The following DGKB variants were observed in gnomAD, a reference collection of about 807,000 sequenced individuals.
DGKB encodes the protein 90 kDa diacylglycerol kinase.
Under a neutral mutation model 114.3 loss-of-function variants are expected in DGKB, and 67 were observed. That is an observed-to-expected ratio of 0.59 (90% CI 0.48 to 0.72). The LOEUF is 0.72. DGKB is among the 30% of genes least tolerant of loss of function. The probability of loss-of-function intolerance (pLI) is 0.00; values close to 1 mark genes in which losing one functional copy is unlikely to be tolerated. For missense variants in DGKB, 907 were observed against 975.2 expected, an observed-to-expected ratio of 0.93 and a Z score of 0.93; for synonymous variants, 398 against 323.1, an observed-to-expected ratio of 1.23 and a Z score of -2.49.
chr7:14,738,918 A>T (rs1169874006), intron 4 of DGKB, among the ~76,000 whole-genome samples: 2 of 152,228 alleles, frequency 1.3e-5, no homozygotes, highest in African/African-American at 4.8e-5. Flanking sequence ...AACAAACAAA[A>T]ACAAAGAGTT....
intron 1 of DGKB, among the ~76,000 whole-genome samples, chr7:14,858,293 TC>T (rs1850476742): frequency 6.6e-6 from 1 of 152,188 alleles, no homozygotes; most frequent in South Asian, 2.1e-4. Context: ...ACAGCAGATA[TC>T]TAAGTTCAAG....
intron 23 of DGKB, among the ~76,000 whole-genome samples, chr7:14,335,415 A>G (rs117226397): frequency 0.046 from 7,040 of 152,246 alleles, 209 homozygotes; most frequent in Non-Finnish European, 0.067. Flanking sequence ...GAAACTATCT[A>G]AAGTTTATGA....
At chr7:14,601,491 A>G (rs931877116) in intron 17 of DGKB, among the ~76,000 whole-genome samples, 6 of 152,122 alleles carry the variant, frequency 3.9e-5, no homozygotes, top group Non-Finnish European at 8.8e-5. Context: ...TATCATAAAC[A>G]CATTTCTCTT....
intron 23 of DGKB, among the ~76,000 whole-genome samples, chr7:14,215,345 A>T (rs80126217): frequency 0.035 from 5,354 of 152,210 alleles, 221 homozygotes; most frequent in African/African-American, 0.099. Context: ...AAGGGTAAAA[A>T]AGAGGCAATG....
rs192642935 is a variant in DGKB at position 14,832,093 on chromosome 7, A to G, written c.70+9101T>C. 1.3e-3 allele frequency among the ~76,000 whole-genome samples: 192 copies of G among 152,232 alleles called. 1 individual carries two copies. Among genetic ancestry groups the G allele is most frequent in the African/African-American group, 4.1e-3 (171 of 41,572 alleles). ...TGCAGTTTACAATGCATTTCCACAC[A>G]TTATTTTATTTGGGTCTTATAACGA... On this transcript the variant is annotated intron_variant, in intron 2 of 25. Transcript: ENST00000402815.
chr7:14,593,535 G>T (rs575969320), intron 17 of DGKB, among the ~76,000 whole-genome samples: 1 of 151,660 alleles, frequency 6.6e-6, no homozygotes, highest in Non-Finnish European at 1.5e-5. Context: ...CCATCATATA[G>T]AAAATATTTA....
chr7:14,431,360 C>A (rs1828424918), intron 21 of DGKB, among the ~76,000 whole-genome samples: 1 of 152,054 alleles, frequency 6.6e-6, no homozygotes. Flanking sequence ...TTGTAATATT[C>A]ATTTACAACA....
In DGKB at chr7:14,550,614, TTTTC is replaced by T. The variant is rs1383329285; in HGVS notation, c.1770+23594_1770+23597del. On this transcript the variant is annotated intron_variant, in intron 20 of 25. Transcript: ENST00000402815. ...ACAATAAAAAATACAACTGAGGACA[TTTTC>T]TTTCTTTCATGTGCTTTATAGTCTT... Among the ~76,000 whole-genome samples the T allele has an allele frequency of 3.3e-5, 5 of 152,182 alleles. No homozygotes were observed. The East Asian group carries it at 9.6e-4, about 29-fold the overall frequency.
intron 10 of DGKB, among the ~76,000 whole-genome samples, chr7:14,683,998 C>A (rs1247880457): frequency 6.6e-6 from 1 of 151,948 alleles, no homozygotes; most frequent in Non-Finnish European, 1.5e-5. Flanking sequence ...ATAAAAATTC[C>A]TTTTCTTAAA....
chr7:14,792,670 T>G (rs935317257), intron 2 of DGKB, among the ~76,000 whole-genome samples: 2 of 152,202 alleles, frequency 1.3e-5, no homozygotes, highest in African/African-American at 4.8e-5. Flanking sequence ...TGAAGATTAT[T>G]TTGCAAACGT....
chr7:14,397,982 A>G (rs1446969760), intron 21 of DGKB, among the ~76,000 whole-genome samples: 1 of 152,110 alleles, frequency 6.6e-6, no homozygotes, highest in African/African-American at 2.4e-5. Flanking sequence ...TAGTGTTGCA[A>G]AAAATCTGAT....
chr7:14,872,007 C>A (rs1852538312), intron 1 of DGKB, among the ~76,000 whole-genome samples: 1 of 152,008 alleles, frequency 6.6e-6, no homozygotes, highest in Non-Finnish European at 1.5e-5. Flanking sequence ...CAAGACAGAA[C>A]CGGGATTCTC....
chr7:14,630,164 G>T (rs1809426103), intron 14 of DGKB, 72 bp downstream of exon 14: 2 of 989,508 alleles, frequency 2.0e-6, no homozygotes, highest in South Asian at 1.9e-5. Context: ...AGCACAAAAT[G>T]TTCTTTACAG....
At chr7:14,926,189 T>C (rs1048913394) in intron 1 of DGKB, among the ~76,000 whole-genome samples, 1 of 152,132 alleles carries the variant, frequency 6.6e-6, no homozygotes, top group African/African-American at 2.4e-5. Flanking sequence ...TTACATTTCA[T>C]ACATTTTTTT....
intron 16 of DGKB, among the ~76,000 whole-genome samples, chr7:14,609,679 AC>A (rs2128786907): frequency 1.3e-5 from 2 of 152,168 alleles, no homozygotes; most frequent in East Asian, 3.9e-4. Flanking sequence ...TGGGAAAAAA[AC>A]AACAACAAAT....
intron 23 of DGKB, among the ~76,000 whole-genome samples, chr7:14,243,177 T>C (rs906625664): frequency 1.3e-5 from 2 of 152,076 alleles, no homozygotes; most frequent in Admixed American, 6.6e-5. Context: ...AAGGGGAGAC[T>C]GAAGTGAACA....
intron 23 of DGKB, among the ~76,000 whole-genome samples, chr7:14,244,054 G>GGA (rs34158469): frequency 3.3e-5 from 5 of 150,450 alleles, no homozygotes; most frequent in African/African-American, 9.9e-5. Flanking sequence ...AGAGAGAGAG[G>GGA]GAGAGAGAGA....
chr7:14,657,672 C>T (rs2049447), intron 13 of DGKB, among the ~76,000 whole-genome samples: 76,218 of 151,624 alleles, frequency 0.5, 20,135 homozygotes, highest in Non-Finnish European at 0.58. Flanking sequence ...TGCAGCAAGA[C>T]ACATCCTTAG....
chr7:14,832,764 C>T (rs1378476712), intron 2 of DGKB, among the ~76,000 whole-genome samples: 1 of 152,028 alleles, frequency 6.6e-6, no homozygotes, highest in African/African-American at 2.4e-5. Context: ...CATCTCCATC[C>T]TTCTCTCCTT....
Sources: gnomAD v4.1 joint callset for allele counts (sites outside exome capture counted in the v4.1 genomes callset) on GRCh38, gnomAD v4.1.1 for gene constraint, MANE v1.5 for transcripts, NCBI Gene and HGNC (gene_info 2026-07-23, HGNC 2026-07-21) for gene names.